TUSC3: variants seen among roughly 807,000 people sequenced by gnomAD.
The protein encoded by TUSC3 is dolichyl-diphosphooligosaccharide--protein glycosyltransferase subunit TUSC3.
TUSC3 carries 45 observed loss-of-function variants against 44.8 expected under a neutral mutation model. That is an observed-to-expected ratio of 1.00 (90% CI 0.79 to 1.29). The LOEUF is 1.29. Among genes scored for constraint, TUSC3 ranks in the 50% most tolerant of loss-of-function variants. The probability of loss-of-function intolerance (pLI) is 0.00; values close to 1 mark genes in which losing one functional copy is unlikely to be tolerated. For missense variants in TUSC3, 519 were observed against 437.9 expected (o/e 1.19, Z -1.65); for synonymous variants, 212 against 152.9 (o/e 1.39, Z -2.85).
At chr8:15,452,136 G>A (rs74686252) in intron 1 of TUSC3, among the ~76,000 whole-genome samples, 8 of 152,240 alleles carry the variant, frequency 5.3e-5, no homozygotes, top group Admixed American at 1.3e-4. Context: ...GACGTTAACC[G>A]TGAAGTTATT....
At chr8:15,470,773 C>G (rs539962332) in intron 1 of TUSC3, among the ~76,000 whole-genome samples, 1 of 152,146 alleles carries the variant, frequency 6.6e-6, no homozygotes, top group East Asian at 1.9e-4. Context: ...TCTCCAGTTC[C>G]TCTGGTTTTC....
intron 1 of TUSC3, among the ~76,000 whole-genome samples, chr8:15,555,088 A>G (rs1001031509): frequency 1.3e-5 from 2 of 149,570 alleles, no homozygotes; most frequent in African/African-American, 2.4e-5. Flanking sequence ...AAAAATTTAC[A>G]TAAGATTTCT....
chr8:15,816,101 C>A, the TUSC3 span, among the ~76,000 whole-genome samples: 1 of 152,108 alleles, frequency 6.6e-6, no homozygotes, highest in Non-Finnish European at 1.5e-5. Flanking sequence ...AGATGGATGA[C>A]CCTCTTTCCC....
intron 10 of TUSC3, among the ~76,000 whole-genome samples, chr8:15,759,201 T>TC (rs1812065031): frequency 6.6e-6 from 1 of 152,136 alleles, no homozygotes; most frequent in African/African-American, 2.4e-5. Context: ...AGACCTTTTT[T>TC]CCCGTTTGCA....
At chr8:15,487,600 C>T (rs973373452) in intron 2 of TUSC3, among the ~76,000 whole-genome samples, 1 of 152,300 alleles carries the variant, frequency 6.6e-6, no homozygotes, top group East Asian at 1.9e-4. Flanking sequence ...CACAAGATAA[C>T]ACCAGGTCTG....
the TUSC3 span, among the ~76,000 whole-genome samples, chr8:15,781,233 T>A: frequency 6.6e-6 from 1 of 152,120 alleles, no homozygotes. Flanking sequence ...AGAATGGAAA[T>A]AAATCACTCA....
the TUSC3 span, among the ~76,000 whole-genome samples, chr8:15,772,457 A>G: frequency 6.6e-6 from 1 of 152,198 alleles, no homozygotes; most frequent in Non-Finnish European, 1.5e-5. Flanking sequence ...CAACCAAACT[A>G]TGAAAATTTA....
intron 1 of TUSC3, among the ~76,000 whole-genome samples, chr8:15,588,590 T>C (rs1803691204): frequency 6.6e-6 from 1 of 152,202 alleles, no homozygotes; most frequent in Admixed American, 6.5e-5. Flanking sequence ...TTTGTTTTTG[T>C]TGTCTGTGCT....
intron 2 of TUSC3, among the ~76,000 whole-genome samples, chr8:15,634,814 G>A (rs550331162): frequency 5.3e-5 from 8 of 152,210 alleles, no homozygotes; most frequent in Admixed American, 1.3e-4. Context: ...CAGTTATCCC[G>A]TACTAACACC....
intron 1 of TUSC3, among the ~76,000 whole-genome samples, chr8:15,594,985 T>G (rs1439859629): frequency 6.6e-6 from 1 of 152,122 alleles, no homozygotes; most frequent in African/African-American, 2.4e-5. Context: ...CTAGGTTTTA[T>G]ACTTCGGGGC....
chr8:15,664,529 A>G (rs1807572456), intron 5 of TUSC3, among the ~76,000 whole-genome samples: 1 of 149,160 alleles, frequency 6.7e-6, no homozygotes, highest in African/African-American at 2.4e-5. Flanking sequence ...TTGGCATGGC[A>G]GAAGATAAAT....
chr8:15,436,247 G>T (rs1231458484), intron 1 of TUSC3, among the ~76,000 whole-genome samples: 1 of 152,176 alleles, frequency 6.6e-6, no homozygotes, highest in Non-Finnish European at 1.5e-5. Context: ...AGTCACATCT[G>T]CTGCCTGGTA....
At chr8:15,434,196 C>T (rs1482219547) in intron 1 of TUSC3, among the ~76,000 whole-genome samples, 2 of 152,016 alleles carry the variant, frequency 1.3e-5, no homozygotes, top group Non-Finnish European at 2.9e-5. Context: ...TTTTATTACC[C>T]TAATTAATAA....
chr8:15,626,257 G>T (rs1406216685), intron 2 of TUSC3, among the ~76,000 whole-genome samples: 1 of 152,204 alleles, frequency 6.6e-6, no homozygotes, highest in Non-Finnish European at 1.5e-5. Context: ...GGGGAATAGG[G>T]AGAAGCCAGA....
At chr8:15,775,462 C>T in the TUSC3 span, among the ~76,000 whole-genome samples, 1 of 151,908 alleles carries the variant, frequency 6.6e-6, no homozygotes, top group Non-Finnish European at 1.5e-5. Flanking sequence ...ATGCTACCTG[C>T]ATTTTATCAC....
At chr8:15,780,733 C>G in the TUSC3 span, among the ~76,000 whole-genome samples, 1 of 152,092 alleles carries the variant, frequency 6.6e-6, no homozygotes. Flanking sequence ...ACTGTTTCCT[C>G]CTGGAAGAAG....
chr8:15,769,084 C>T (rs1280732514), downstream of TUSC3, among the ~76,000 whole-genome samples: 3 of 151,900 alleles, frequency 2.0e-5, no homozygotes, highest in Non-Finnish European at 1.5e-5. Context: ...CTTTAAATTT[C>T]ATGTGGAACC....
chr8:15,539,082 G>A (rs1447782009), upstream of TUSC3, among the ~76,000 whole-genome samples: 3 of 151,554 alleles, frequency 2.0e-5, no homozygotes. Flanking sequence ...CCAACTCTTG[G>A]ACACAAGCCT....
At chr8:15,554,595 C>G (rs1316609186) in intron 1 of TUSC3, among the ~76,000 whole-genome samples, 3 of 141,074 alleles carry the variant, frequency 2.1e-5, no homozygotes, top group South Asian at 2.3e-4. Flanking sequence ...TTGCATTTTA[C>G]TATAATTTTT....
Sources: gnomAD v4.1 joint callset for allele counts (sites outside exome capture counted in the v4.1 genomes callset) on GRCh38, gnomAD v4.1.1 for gene constraint, MANE v1.5 for transcripts, NCBI Gene and HGNC (gene_info 2026-07-23, HGNC 2026-07-21) for gene names.